The following NAV1 variants were observed in gnomAD, a reference collection of about 807,000 sequenced individuals.
NAV1 encodes the protein pore membrane and/or filament interacting like protein 3.
NAV1 carries 18 observed loss-of-function variants against 175.2 expected under a neutral mutation model. The observed-to-expected ratio is 0.10, with a 90% CI of 0.07 to 0.15. NAV1 has a LOEUF of 0.15. Among genes scored for constraint, NAV1 ranks in the 10% least tolerant of loss-of-function variants. The probability of loss-of-function intolerance (pLI) is 1.00; values close to 1 mark genes in which losing one functional copy is unlikely to be tolerated. For missense variants in NAV1, 1,731 were observed against 2,436.6 expected, an observed-to-expected ratio of 0.71 and a Z score of 6.10; for synonymous variants, 897 against 978.7, an observed-to-expected ratio of 0.92 and a Z score of 1.56.
At chr1:201,561,165 G>A (rs1014607608) in intron 1 of NAV1, among the ~76,000 whole-genome samples, 3 of 152,322 alleles carry the variant, frequency 2.0e-5, no homozygotes, top group Admixed American at 1.3e-4. Context: ...GAGCTCCTTT[G>A]TGAGTCCTTC....
chr1:201,567,250 A>T (rs930391203), intron 1 of NAV1, among the ~76,000 whole-genome samples: 64 of 152,262 alleles, frequency 4.2e-4, no homozygotes, highest in African/African-American at 1.5e-3. Flanking sequence ...CACCCTCTTC[A>T]TGGGGAACAG....
intron 6 of NAV1, 58 bp from the exon 11 acceptor site, chr1:201,783,348 A>G (rs1252681838): frequency 6.6e-6 from 10 of 1,523,396 alleles, no homozygotes; most frequent in African/African-American, 1.4e-5. Context: ...TTAAGGTCCT[A>G]TCTGCCTCTC....
upstream of NAV1, chr1:201,622,912 G>A: frequency 1.0e-6 from 1 of 986,156 alleles, no homozygotes; most frequent in East Asian, 1.1e-4. Flanking sequence ...TGTGAATCCC[G>A]CCAGCCGCCC....
At chr1:201,627,964 C>T (rs142257105) in intron 1 of NAV1, among the ~76,000 whole-genome samples, 1,644 of 151,954 alleles carry the variant, frequency 0.011, 41 homozygotes, top group African/African-American at 0.038. Flanking sequence ...CATGGCAAAA[C>T]CCCATCTCTA....
rs934292327 is a variant in NAV1 at position 201,564,159 on chromosome 1, AAGGCAGGCAGGC to A, written c.-143-24366_-143-24355del. 5.6e-3 allele frequency among the ~76,000 whole-genome samples: 850 copies of A among 150,494 alleles called. 7 individuals are homozygous for A. The highest frequency in any genetic ancestry group is 0.02 in the African/African-American group (807 of 40,346). ...GGAGGGAGGAAGAAAGGAAGGAAGG[AAGGCAGGCAGGC>A]AGGCAGGCAGGCATCCTCGGCCCTG... is the stretch of plus-strand genomic sequence containing the variant. On this transcript the variant is annotated intron_variant, in intron 1 of 33. Coordinates refer to the NAV1 transcript ENST00000685211.
intron 3 of NAV1, among the ~76,000 whole-genome samples, chr1:201,776,918 G>A (rs1675989986): frequency 6.6e-6 from 1 of 151,990 alleles, no homozygotes; most frequent in South Asian, 2.1e-4. Context: ...CAGTGCACAA[G>A]AAGATGCTAA....
At chr1:201,785,718 G>A (rs1676692554) in intron 8 of NAV1, among the ~76,000 whole-genome samples, 1 of 151,724 alleles carries the variant, frequency 6.6e-6, no homozygotes, top group Non-Finnish European at 1.5e-5. Context: ...CTGGGCTAGG[G>A]GCAGGACCTA....
intron 2 of NAV1, among the ~76,000 whole-genome samples, chr1:201,594,806 G>T (rs1667307584): frequency 6.6e-6 from 1 of 152,202 alleles, no homozygotes; most frequent in Admixed American, 6.5e-5. Context: ...CTGGGGCTCT[G>T]GGAGCTGTCC....
intron 1 of NAV1, among the ~76,000 whole-genome samples, chr1:201,577,215 T>G (rs1050023514): frequency 6.6e-6 from 1 of 152,200 alleles, no homozygotes; most frequent in Non-Finnish European, 1.5e-5. Context: ...GGATATGTGG[T>G]TGACAAATAT....
At chr1:201,824,287 G>C (rs969293365) in exon 30 of NAV1, 1 of 152,154 alleles carries the variant, frequency 6.6e-6, no homozygotes, top group African/African-American at 2.4e-5. Context: ...TTTATTAATA[G>C]AGATGGATAT....
At chr1:201,573,251 C>G (rs7518886) in intron 1 of NAV1, among the ~76,000 whole-genome samples, 28,492 of 152,168 alleles carry the variant, frequency 0.19, 2,987 homozygotes, top group African/African-American at 0.29. Flanking sequence ...GGAGCTGACC[C>G]TGGAGTGCTG....
intron 3 of NAV1, among the ~76,000 whole-genome samples, chr1:201,746,334 C>G (rs1364423176): frequency 4.6e-5 from 7 of 152,120 alleles, no homozygotes; most frequent in Non-Finnish European, 1.0e-4. Context: ...TTTGGACATA[C>G]CATATTTATG....
chr1:201,610,942 C>T (rs1460036316), intron 2 of NAV1, among the ~76,000 whole-genome samples: 2 of 152,086 alleles, frequency 1.3e-5, no homozygotes, highest in Admixed American at 6.5e-5. Context: ...TTGGCAGAGC[C>T]CTGGGCCCTG....
At chr1:201,731,259 C>T (rs1416842385) in intron 3 of NAV1, among the ~76,000 whole-genome samples, 1 of 152,004 alleles carries the variant, frequency 6.6e-6, no homozygotes, top group African/African-American at 2.4e-5. Context: ...GTGTGAGACC[C>T]ATCCAAACGT....
intron 2 of NAV1, among the ~76,000 whole-genome samples, chr1:201,631,938 G>A (rs946855254): frequency 6.6e-6 from 1 of 152,136 alleles, no homozygotes; most frequent in African/African-American, 2.4e-5. Flanking sequence ...TTTGGTGAAG[G>A]TATGATTTGA....
chr1:201,730,926 G>A (rs733763), intron 3 of NAV1, among the ~76,000 whole-genome samples: 85,285 of 152,100 alleles, frequency 0.56, 24,093 homozygotes, highest in Admixed American at 0.67. Context: ...ACTTACCTAC[G>A]GAAGTGTTCA....
intron 15 of NAV1, chr1:201,798,217 A>G (rs956360261): frequency 3.3e-5 from 5 of 152,188 alleles, no homozygotes; most frequent in Non-Finnish European, 7.3e-5. Flanking sequence ...CTGTATTGTC[A>G]CTACCCTGGC....
intron 1 of NAV1, among the ~76,000 whole-genome samples, chr1:201,671,028 T>C (rs554579659): frequency 6.6e-6 from 1 of 152,274 alleles, no homozygotes; most frequent in Non-Finnish European, 1.5e-5. Flanking sequence ...TAAAGGACAC[T>C]CACTGTTATG....
chr1:201,568,347 C>T (rs1480173832), intron 1 of NAV1, among the ~76,000 whole-genome samples: 1 of 152,178 alleles, frequency 6.6e-6, no homozygotes, highest in Non-Finnish European at 1.5e-5. Flanking sequence ...CCTGTAACAC[C>T]CAAAGCCTAT....
Sources: allele counts gnomAD v4.1 joint callset (sites outside exome capture counted in the v4.1 genomes callset), GRCh38; gene constraint gnomAD v4.1.1; transcripts MANE v1.5; gene names NCBI Gene and HGNC (gene_info 2026-07-23, HGNC 2026-07-21).